Variants in ADARB2 observed in about 807,000 individuals in gnomAD.
ADARB2 encodes the protein inactive double-stranded RNA-specific editase B2.
In ADARB2, 25 loss-of-function variants were observed where a neutral mutation model predicts 62.2. The observed-to-expected ratio is 0.40, with a 90% CI of 0.29 to 0.56. The LOEUF is 0.56. ADARB2 is among the 20% of genes least tolerant of loss of function. The pLI is 0.43. For missense variants in ADARB2, 1,071 were observed against 1,077.4 expected, an observed-to-expected ratio of 0.99 and a Z score of 0.08; for synonymous variants, 572 against 500.8, an observed-to-expected ratio of 1.14 and a Z score of -1.90.
At chr10:1,551,164 G>A (rs562086521) in intron 1 of ADARB2, among the ~76,000 whole-genome samples, 4 of 152,254 alleles carry the variant, frequency 2.6e-5, no homozygotes, top group Non-Finnish European at 2.9e-5. Context: ...ACAGAAGGAG[G>A]ACCCTGTGAG....
chr10:1,265,588 C>T (rs1046544735), intron 4 of ADARB2, among the ~76,000 whole-genome samples: 1 of 138,152 alleles, frequency 7.2e-6, no homozygotes, highest in Non-Finnish European at 1.6e-5. Context: ...CAGGTCCACG[C>T]TCTCCCGGAA....
chr10:1,672,575 G>T (rs1395998485), intron 1 of ADARB2, among the ~76,000 whole-genome samples: 1 of 147,602 alleles, frequency 6.8e-6, no homozygotes, highest in African/African-American at 2.5e-5. Context: ...CCCCATGCAC[G>T]CGCTTCGCCT....
At chr10:1,183,893 A>G (rs958540357) in intron 9 of ADARB2, among the ~76,000 whole-genome samples, 5 of 152,206 alleles carry the variant, frequency 3.3e-5, no homozygotes, top group African/African-American at 4.8e-5. Flanking sequence ...GGGAGCTCCA[A>G]ATCCCACAGC....
chr10:1,351,122 T>G (rs1216152097), intron 3 of ADARB2, among the ~76,000 whole-genome samples: 1 of 152,170 alleles, frequency 6.6e-6, no homozygotes, highest in Non-Finnish European at 1.5e-5. Context: ...AAAATCAGAC[T>G]GTTCAACTCA....
intron 1 of ADARB2, among the ~76,000 whole-genome samples, chr10:1,428,446 C>T (rs1272073916): frequency 6.6e-6 from 1 of 151,946 alleles, no homozygotes; most frequent in African/African-American, 2.4e-5. Flanking sequence ...ATCACCACGC[C>T]CAGCTAATTT....
intron 1 of ADARB2, among the ~76,000 whole-genome samples, chr10:1,639,271 G>C (rs1833950807): frequency 6.6e-6 from 1 of 152,240 alleles, no homozygotes; most frequent in Admixed American, 6.5e-5. Flanking sequence ...CATCCAGGAG[G>C]CTGACTGCAT....
At position 1,363,608 on chromosome 10, in the gene ADARB2, G is replaced by C. The variant is rs773904207; in HGVS notation, c.497C>G (p.Thr166Arg). ...FAVAVEVNGL[T>R]FEGTGPTKKK... is the part of the protein sequence containing the mutation. ...CTTGGTGGGGCCTGTGCCCTCGAAC[G>C]TGAGCCCGTTCACCTCCACCGCTAC... is the stretch of plus-strand genomic sequence containing the variant. The change falls in exon 3 of 10, where the codon ACG (threonine) becomes AGG (arginine). Residue 166 changes from threonine (T) to arginine (R), a missense_variant. Coordinates refer to ENST00000381312, the MANE Select transcript of ADARB2 (RefSeq NM_018702.4). 6.2e-7 allele frequency: 1 copy of C among 1,601,622 alleles called. No individual in the cohort carries two copies.
intron 2 of ADARB2, among the ~76,000 whole-genome samples, chr10:1,378,027 C>T (rs1048020063): frequency 5.9e-5 from 9 of 152,196 alleles, no homozygotes; most frequent in African/African-American, 1.7e-4. Context: ...TGACAACAGG[C>T]GTGTGCTGAC....
At position 1,558,455 on chromosome 10, in the gene ADARB2, C is replaced by T. The variant is rs537461261; in HGVS notation, c.100+178596G>A. 2.9e-4 allele frequency among the ~76,000 whole-genome samples: 37 copies of T among 128,528 alleles called. 3 individuals carry two copies. Among genetic ancestry groups the T allele is most frequent in the Non-Finnish European group, 4.5e-4 (27 of 59,688 alleles). The allele number at this position is 128,528 out of a possible 152,430, so 84.3% of individuals were successfully genotyped here. A position where few individuals can be genotyped will look rare whatever the true frequency, so the allele number is the denominator to read the frequency against. On this transcript the variant is annotated intron_variant, in intron 1 of 9. Transcript: ENST00000381312. ...CCATGCCCCATCTAAATCCACATCCCACCTCTGCCCCCCTCCGTGGGTGCT... is the reference window on the plus strand; with the variant it reads ...CCATGCCCCATCTAAATCCACATCCTACCTCTGCCCCCCTCCGTGGGTGCT...
chr10:1,705,418 T>C (rs1361359284), intron 1 of ADARB2, among the ~76,000 whole-genome samples: 2 of 152,158 alleles, frequency 1.3e-5, no homozygotes, highest in Admixed American at 6.5e-5. Flanking sequence ...CTGGGTCACT[T>C]GATCACAGTG....
intron 1 of ADARB2, among the ~76,000 whole-genome samples, chr10:1,504,981 A>C (rs1831819998): frequency 6.6e-6 from 1 of 151,862 alleles, no homozygotes; most frequent in African/African-American, 2.4e-5. Context: ...ACACACATAC[A>C]CATGCAATGC....
chr10:1,259,688 C>T (rs1372010846), intron 4 of ADARB2, among the ~76,000 whole-genome samples: 1 of 152,110 alleles, frequency 6.6e-6, no homozygotes, highest in African/African-American at 2.4e-5. Context: ...AGTCCAGGAC[C>T]AGATGGATTC....
rs151067464 is a variant in ADARB2, at chr10:1,499,231, C to T, written c.101-120071G>A. On this transcript the variant is annotated intron_variant, in intron 1 of 9. Coordinates refer to ENST00000381312, the MANE Select transcript of ADARB2 (RefSeq NM_018702.4). ...ACACTCATTCATTACTCATCATTCG[C>T]TCATTACTCATGCATCATTCATCAT... 2.2e-4 allele frequency among the ~76,000 whole-genome samples: 33 copies of T among 151,790 alleles called. No homozygotes were observed. In the East Asian group the frequency reaches 5.9e-3, roughly 27 times the overall value.
chr10:1,190,233 C>T (rs963729193), intron 8 of ADARB2, among the ~76,000 whole-genome samples: 13 of 152,066 alleles, frequency 8.5e-5, no homozygotes, highest in African/African-American at 2.2e-4. Context: ...GTGCTGTGGA[C>T]AAACACGTAC....
At chr10:1,616,700 A>G (rs1473239787) in intron 1 of ADARB2, among the ~76,000 whole-genome samples, 1 of 135,610 alleles carries the variant, frequency 7.4e-6, no homozygotes, top group African/African-American at 2.8e-5. Context: ...AACTGGCCTC[A>G]GAGGGCTGCA....
chr10:1,348,982 G>A (rs895360103), intron 3 of ADARB2, among the ~76,000 whole-genome samples: 1 of 152,140 alleles, frequency 6.6e-6, no homozygotes, highest in Non-Finnish European at 1.5e-5. Flanking sequence ...CAGGGGAGAG[G>A]GCTCAGGGGA....
At chr10:1,683,695 A>T (rs568413742) in intron 1 of ADARB2, among the ~76,000 whole-genome samples, 1 of 152,288 alleles carries the variant, frequency 6.6e-6, no homozygotes, top group African/African-American at 2.4e-5. Flanking sequence ...TTACACACAG[A>T]TCTTATTTTG....
intron 1 of ADARB2, among the ~76,000 whole-genome samples, chr10:1,643,672 T>TC (rs2119061344): frequency 6.6e-6 from 1 of 152,294 alleles, no homozygotes; most frequent in East Asian, 1.9e-4. Context: ...TGGTTCCCTA[T>TC]CCCTTAGGGT....
intron 3 of ADARB2, among the ~76,000 whole-genome samples, chr10:1,300,667 G>C (rs1197440951): frequency 6.6e-6 from 1 of 152,160 alleles, no homozygotes; most frequent in Non-Finnish European, 1.5e-5. Context: ...TTCCTCGTGG[G>C]CTTCATAGAT....
Sources: allele counts gnomAD v4.1 joint callset (sites outside exome capture counted in the v4.1 genomes callset), GRCh38; gene constraint gnomAD v4.1.1; transcripts MANE v1.5; gene names NCBI Gene and HGNC (gene_info 2026-07-23, HGNC 2026-07-21).